The following HDAC9 variants were observed in gnomAD, a reference collection of about 807,000 sequenced individuals.
HDAC9 encodes the protein histone deacetylase 9, also known as MEF-2 interacting transcription repressor (MITR) protein.
HDAC9 carries 41 observed loss-of-function variants against 139.4 expected under a neutral mutation model. The ratio of observed to expected loss-of-function variants is 0.29; its 90% CI spans 0.23 to 0.38. HDAC9 has a LOEUF of 0.38. Among genes scored for constraint, HDAC9 ranks in the 10% least tolerant of loss-of-function variants. HDAC9 has a pLI of 1.00. For missense variants in HDAC9, 1,147 were observed against 1,297.0 expected (o/e 0.88, Z 1.78); for synonymous variants, 517 against 476.2 (o/e 1.09, Z -1.12).
At chr7:18,994,265 G>A (rs1429217301) in intron 25 of HDAC9, among the ~76,000 whole-genome samples, 1 of 152,174 alleles carries the variant, frequency 6.6e-6, no homozygotes, top group African/African-American at 2.4e-5. Flanking sequence ...GTCTCCATTA[G>A]AATATCCAGT....
intron 12 of HDAC9, among the ~76,000 whole-genome samples, chr7:18,694,711 C>A (rs1462627481): frequency 6.6e-6 from 1 of 152,028 alleles, no homozygotes; most frequent in Non-Finnish European, 1.5e-5. Flanking sequence ...CTGTGGTGTC[C>A]TGGAGTGTAT....
At chr7:18,433,494 A>G (rs1790875061) in intron 1 of HDAC9, among the ~76,000 whole-genome samples, 1 of 152,150 alleles carries the variant, frequency 6.6e-6, no homozygotes, top group African/African-American at 2.4e-5. Flanking sequence ...TCTCTGCCCA[A>G]AAGCTATAGT....
chr7:18,388,348 G>T (rs1786137895), intron 1 of HDAC9, among the ~76,000 whole-genome samples: 1 of 152,206 alleles, frequency 6.6e-6, no homozygotes. Flanking sequence ...CACAGTGAGG[G>T]CTGTGTAGCT....
At chr7:18,477,076 G>C (rs1795166887) in intron 1 of HDAC9, among the ~76,000 whole-genome samples, 1 of 152,092 alleles carries the variant, frequency 6.6e-6, no homozygotes, top group Non-Finnish European at 1.5e-5. Context: ...TAGACTTTAG[G>C]TGGGCATTGA....
intron 1 of HDAC9, among the ~76,000 whole-genome samples, chr7:18,098,855 G>A (rs1035692179): frequency 7.2e-5 from 11 of 152,064 alleles, no homozygotes; most frequent in African/African-American, 1.7e-4. Context: ...GTGAATCCCC[G>A]GTTGAGCTTT....
chr7:18,944,962 G>A (rs1015936098), intron 23 of HDAC9, among the ~76,000 whole-genome samples: 1 of 152,088 alleles, frequency 6.6e-6, no homozygotes, highest in Non-Finnish European at 1.5e-5. Flanking sequence ...ACAGATAAAG[G>A]GAATTTTTCC....
chr7:18,399,713 A>G (rs975726414), intron 1 of HDAC9, among the ~76,000 whole-genome samples: 4 of 152,124 alleles, frequency 2.6e-5, no homozygotes, highest in Non-Finnish European at 4.4e-5. Context: ...GGTTCAGCAG[A>G]GTGTTTGGTG....
intron 12 of HDAC9, among the ~76,000 whole-genome samples, chr7:18,722,559 C>G (rs1470446672): frequency 1.3e-5 from 2 of 152,140 alleles, no homozygotes; most frequent in African/African-American, 4.8e-5. Flanking sequence ...ACACTTCAAT[C>G]AGTTCCAGAG....
At chr7:18,383,481 G>T (rs1376916083) in intron 1 of HDAC9, among the ~76,000 whole-genome samples, 2 of 151,994 alleles carry the variant, frequency 1.3e-5, no homozygotes, top group Non-Finnish European at 2.9e-5. Flanking sequence ...AGAAATGAAG[G>T]GTTATTTCAG....
intron 2 of HDAC9, among the ~76,000 whole-genome samples, chr7:18,532,676 T>C (rs1468836173): frequency 2.0e-5 from 3 of 152,160 alleles, no homozygotes. Flanking sequence ...TATACCGTTT[T>C]TGTTTTAAAT....
In HDAC9 at chr7:18,921,108, T is replaced by C. The variant is rs573805232; in HGVS notation, c.2804-14701T>C. 1.4e-3 allele frequency among the ~76,000 whole-genome samples: 216 copies of C among 152,190 alleles called. 1 individual carries two copies. Among genetic ancestry groups the C allele is most frequent in the African/African-American group, 4.4e-3 (184 of 41,544 alleles). ...CAAGATGGATTAAAGACTTACATGTTAGACCTAAAACCATAAAAACCGTAG... is the reference window on the plus strand; with the variant it reads ...CAAGATGGATTAAAGACTTACATGTCAGACCTAAAACCATAAAAACCGTAG... On this transcript the variant is annotated intron_variant, in intron 22 of 25. Coordinates refer to ENST00000686413, the MANE Select transcript of HDAC9 (RefSeq NM_178425.4).
intron 1 of HDAC9, among the ~76,000 whole-genome samples, chr7:18,467,754 T>C (rs1489036096): frequency 6.6e-6 from 1 of 152,204 alleles, no homozygotes; most frequent in Non-Finnish European, 1.5e-5. Flanking sequence ...GGCACATTAC[T>C]GTTGCCCAAA....
In HDAC9 at chr7:18,129,009, G is replaced by T. The variant is rs576421073; in HGVS notation, c.-96-33220G>T. On this transcript the variant is annotated intron_variant, in intron 1 of 12. Coordinates refer to the HDAC9 transcript ENST00000417496. ...ATTTCCAGAGCGCATTTCTCCTCATGTGCTTTTTCGCAAGAGAGAGAACAT... is the reference window on the plus strand; with the variant it reads ...ATTTCCAGAGCGCATTTCTCCTCATTTGCTTTTTCGCAAGAGAGAGAACAT... 4.6e-5 allele frequency among the ~76,000 whole-genome samples: 7 copies of T among 152,210 alleles called. No homozygotes were observed. The South Asian group carries it at 1.5e-3, about 32-fold the overall frequency.
chr7:18,503,235 A>C (rs1798872240), intron 2 of HDAC9, among the ~76,000 whole-genome samples: 1 of 152,146 alleles, frequency 6.6e-6, no homozygotes, highest in South Asian at 2.1e-4. Flanking sequence ...AGCTGAAGTG[A>C]GTGGTTAGCT....
intron 2 of HDAC9, among the ~76,000 whole-genome samples, chr7:18,584,297 T>A (rs1361245541): frequency 1.3e-5 from 2 of 151,608 alleles, no homozygotes; most frequent in Non-Finnish European, 2.9e-5. Flanking sequence ...CCCGGCTAAT[T>A]TTTTGTATTT....
At chr7:18,573,997 C>T (rs747463782) in intron 2 of HDAC9, among the ~76,000 whole-genome samples, 3 of 152,204 alleles carry the variant, frequency 2.0e-5, no homozygotes, top group Non-Finnish European at 4.4e-5. Context: ...TTTGATGTGT[C>T]CCGAGTTCTT....
chr7:18,727,402 T>A (rs1255567604), intron 12 of HDAC9, among the ~76,000 whole-genome samples, 178 bp from the exon 13 acceptor site: 3 of 152,250 alleles, frequency 2.0e-5, no homozygotes, highest in African/African-American at 7.2e-5. Flanking sequence ...ATCTGTTGAA[T>A]GGATTTATTG....
chr7:18,721,917 C>G (rs1241855473), intron 12 of HDAC9, among the ~76,000 whole-genome samples: 5 of 152,114 alleles, frequency 3.3e-5, no homozygotes, highest in Non-Finnish European at 7.4e-5. Context: ...TAGAACTATC[C>G]CTACCCACTT....
intron 2 of HDAC9, among the ~76,000 whole-genome samples, chr7:18,541,699 C>T (rs1384656254): frequency 6.6e-6 from 1 of 151,904 alleles, no homozygotes; most frequent in African/African-American, 2.4e-5. Flanking sequence ...ATACAAGGGC[C>T]CTCTCTAAAT....
Sources: gnomAD v4.1 joint callset for allele counts (sites outside exome capture counted in the v4.1 genomes callset) on GRCh38, gnomAD v4.1.1 for gene constraint, MANE v1.5 for transcripts, NCBI Gene and HGNC (gene_info 2026-07-23, HGNC 2026-07-21) for gene names.